DUXB: variants seen among roughly 807,000 people sequenced by gnomAD.
DUXB encodes the protein double homeobox B.
Under a neutral mutation model 8.9 loss-of-function variants are expected in DUXB, and 22 were observed. The observed-to-expected ratio is 2.46, with a 90% CI of 1.76 to 3.52. The LOEUF is 3.52. DUXB is among the 30% of genes most tolerant of loss of function. The pLI is 0.00. For missense variants in DUXB, 237 were observed against 108.7 expected (o/e 2.18, Z -5.25); for synonymous variants, 84 against 37.6 (o/e 2.23, Z -4.52).
rs961946328 is a variant in DUXB at position 75,694,422 on chromosome 16, C to A, written c.545G>T (p.Gly182Val). 2.9e-6 allele frequency: 2 copies of A among 700,510 alleles called. No homozygotes were observed. The allele number at this position is 700,510 out of a possible 1,614,324, so 43.4% of individuals were successfully genotyped here. A position where few individuals can be genotyped will look rare whatever the true frequency, so the allele number is the denominator to read the frequency against. ...DPNERPDATV[G>V]WHPINLFLPT... ...GAGGAACAGGTTGATTGGATGCCAC[C>A]CAACAGTTGCATCTGGTCTCTCATT... The change falls in exon 5 of 5, where the codon GGG becomes GTG. Residue 182 changes from glycine to valine, a missense_variant. Physicochemically the swap from Gly to Val is moderately radical, Grantham distance 109 (BLOSUM62 -3). Coordinates refer to ENST00000633875, the MANE Select transcript of DUXB (RefSeq NM_001351307.2).
chr16:75,700,944 T>C (rs538371588), intron 1 of DUXB, among the ~76,000 whole-genome samples: 1 of 151,936 alleles, frequency 6.6e-6, no homozygotes, highest in South Asian at 2.1e-4. Context: ...TTACGGAAAA[T>C]GTACAAAATT....
At chr16:75,696,639 T>C (rs2082609682) in intron 3 of DUXB, among the ~76,000 whole-genome samples, 199 bp downstream of exon 3, 1 of 152,226 alleles carries the variant, frequency 6.6e-6, no homozygotes, top group South Asian at 2.1e-4. Flanking sequence ...GGGAGGCCGC[T>C]CTGCCTATGG....
chr16:75,694,602 A>C, intron 4 of DUXB, 77 bp from the exon 5 acceptor site: 1 of 691,472 alleles, frequency 1.4e-6, no homozygotes. Context: ...CTATAAAACA[A>C]AGGAGCTATT....
At chr16:75,695,709 A>G (rs999925256) in intron 4 of DUXB, among the ~76,000 whole-genome samples, 10 of 152,196 alleles carry the variant, frequency 6.6e-5, no homozygotes, top group Non-Finnish European at 1.3e-4. Flanking sequence ...CAACACTCCC[A>G]AGGTTGTAGA....
Position 75,694,294 on chromosome 16 carries a change from T to C in DUXB, c.673A>G (p.Arg225Gly), listed in dbSNP as rs557334819. The change falls in exon 5 of 5, where the codon AGG becomes GGG. Residue 225 changes from arginine (R) to glycine (G), a missense_variant. Physicochemically the swap from Arg to Gly is moderately radical, Grantham distance 125. Transcript: ENST00000633875. ...TTTGGTCCTTGGCTCACATGGAACC[T>C]GAAGGGATCCCAAGGAGCCTGGGTT... ...PSTQAPWDPF[R>G]FHVSQGPNVM... The C allele has an allele frequency of 1.4e-4, 84 of 614,088 alleles. No individual in the cohort carries two copies. The highest frequency in any genetic ancestry group is 1.2e-3 in the African/African-American group (65 of 54,152). The allele number at this position is 614,088 out of a possible 1,614,324, so 38.0% of individuals were successfully genotyped here. A position where few individuals can be genotyped will look rare whatever the true frequency, so the allele number is the denominator to read the frequency against.
At chr16:75,697,059 A>G in intron 2 of DUXB, 116 bp from the exon 3 acceptor site, 1 of 623,548 alleles carries the variant, frequency 1.6e-6, no homozygotes, top group South Asian at 1.9e-5. Context: ...TAATGCCCAC[A>G]AGAGAAAGGC....
Position 75,694,309 on chromosome 16 carries a change from G to A in DUXB, c.658C>T (p.Pro220Ser). 1.6e-6 allele frequency: 1 copy of A among 617,248 alleles called. No homozygotes were observed. The highest frequency in any genetic ancestry group is 2.9e-6 in the Non-Finnish European group (1 of 348,906). 38.2% of individuals were successfully genotyped at this position (617,248 alleles called of 1,614,324 possible). A position where few individuals can be genotyped will look rare whatever the true frequency, so the allele number is the denominator to read the frequency against. ...LPPVLPSTQA[P>S]WDPFRFHVSQ... ...ACATGGAACCTGAAGGGATCCCAAGGAGCCTGGGTTGAAGGAAGAACAGGT... is the reference window on the plus strand; with the variant it reads ...ACATGGAACCTGAAGGGATCCCAAGAAGCCTGGGTTGAAGGAAGAACAGGT... The change falls in exon 5 of 5, where the codon CCT becomes TCT. Residue 220 changes from proline to serine, a missense_variant. By Grantham distance (74) the Pro-to-Ser change is moderately conservative. Transcript: ENST00000633875.
chr16:75,696,034 C>T lies in DUXB; in HGVS notation c.368G>A (p.Arg123Lys), dbSNP rs1287592066. 1.4e-6 allele frequency: 1 copy of T among 702,906 alleles called. No individual in the cohort carries two copies. The highest frequency in any genetic ancestry group is 1.7e-5 in the African/African-American group (1 of 57,244). 43.5% of individuals were successfully genotyped at this position (702,906 alleles called of 1,614,324 possible). The stretch of plus-strand genomic sequence containing the variant: ...GGTAGCAATATCAGGGAATGGGTTC[C>T]TCTCAAAGGCTTGCACTAGCCTGTT... The part of the protein sequence containing the change: ...QKNRLVQAFE[R>K]NPFPDIATRK... The change falls in exon 4 of 5, where the codon AGG (arginine) becomes AAG (lysine). Residue 123 changes from arginine (R) to lysine (K), a missense_variant. Transcript: ENST00000633875.
At chr16:75,696,137 G>A in intron 3 of DUXB, 22 bp from the exon 4 acceptor site, 1 of 637,578 alleles carries the variant, frequency 1.6e-6, no homozygotes. Flanking sequence ...CACAGAAGCT[G>A]TTGGGGAATT....
chr16:75,701,117 T>C (rs1959207717), intron 1 of DUXB, among the ~76,000 whole-genome samples: 5 of 152,202 alleles, frequency 3.3e-5, no homozygotes, highest in Admixed American at 3.3e-4. Flanking sequence ...ATTAGACAGT[T>C]CATACATTCT....
Position 75,696,101 on chromosome 16 carries a change from CT to C in DUXB, c.300del (p.Glu101LysfsTer17), listed in dbSNP as rs767372702. On this transcript the variant is annotated frameshift_variant, in exon 4 of 5. Coordinates refer to ENST00000633875, the MANE Select transcript of DUXB (RefSeq NM_001351307.2). LOFTEE classifies it high-confidence loss of function. ...ATGAATGTCTGTTTTTGTCGGGCTT[CT>C]TTAGGTAAGTATTCTAAAGGAGAAC... ...SQHLTQEYLP[K>X]EARQKQTFIT... 1 of 702,264 alleles carries C rather than the reference CT, an allele frequency of 1.4e-6. No homozygotes were observed. The highest frequency in any genetic ancestry group is 2.6e-6 in the Non-Finnish European group (1 of 384,998). 43.5% of individuals were successfully genotyped at this position (702,264 alleles called of 1,614,324 possible).
intron 2 of DUXB, chr16:75,698,850 TC>T (rs1354917382): frequency 6.6e-6 from 1 of 152,136 alleles, no homozygotes; most frequent in African/African-American, 2.4e-5. Flanking sequence ...ACAGATAACT[TC>T]TTTTTTTTGG....
chr16:75,697,413 T>A (rs536170217), intron 2 of DUXB, among the ~76,000 whole-genome samples: 2 of 152,370 alleles, frequency 1.3e-5, no homozygotes, highest in Admixed American at 1.3e-4. Flanking sequence ...AGAGTTGGAC[T>A]AACACTTATC....
At chr16:75,697,051 A>G (rs1372167131) in intron 2 of DUXB, 108 bp from the exon 3 acceptor site, 1 of 630,232 alleles carries the variant, frequency 1.6e-6, no homozygotes, top group East Asian at 2.7e-5. Context: ...GGCTGGAATA[A>G]TGCCCACAAG....
rs1597208413 is a variant in DUXB at position 75,694,180 on chromosome 16, G to T, written c.787C>A (p.Pro263Thr). Reference protein sequence around the residue: ...LIIPNHLLTLPILTKDLDTPT... With the variant: ...LIIPNHLLTLTILTKDLDTPT... ...GTATCTAAGTCCTTTGTCAGAATTG[G>T]CAGTGTCAGGAGGTGATTCGGAATT... The change falls in exon 5 of 5, where the codon CCA becomes ACA. Residue 263 changes from proline (P) to threonine (T), a missense_variant. By Grantham distance (38) the Pro-to-Thr change is conservative. Coordinates refer to ENST00000633875, the MANE Select transcript of DUXB (RefSeq NM_001351307.2). 2.1e-6 allele frequency: 1 copy of T among 474,736 alleles called. No individual in the cohort carries two copies. The highest frequency in any genetic ancestry group is 3.3e-5 in the East Asian group (1 of 30,254). The allele number at this position is 474,736 out of a possible 1,614,324, so 29.4% of individuals were successfully genotyped here.
At chr16:75,696,699 T>TA (rs920003368) in intron 3 of DUXB, 139 bp downstream of exon 3, 49 of 582,266 alleles carry the variant, frequency 8.4e-5, no homozygotes, top group African/African-American at 6.4e-4. Flanking sequence ...TACTTTCACC[T>TA]AAAAAAAATG....
Position 75,695,821 on chromosome 16 carries a change from T to A in DUXB, c.441+140A>T, listed in dbSNP as rs1301558138. 4.0e-5 allele frequency: 24 copies of A among 597,210 alleles called. 1 individual carries two copies. Among genetic ancestry groups the A allele is most frequent in the Middle Eastern group, 6.6e-4 (2 of 3,026 alleles). 37.0% of individuals were successfully genotyped at this position (597,210 alleles called of 1,614,324 possible). On this transcript the variant is annotated intron_variant, in intron 4 of 4. Coordinates refer to ENST00000633875, the MANE Select transcript of DUXB (RefSeq NM_001351307.2). ...TTCTTCCTTGACAAAAACGGGACTT[T>A]CAGTGCCAGGCGTTTACCATCCCCC... is the stretch of plus-strand genomic sequence containing the variant.
intron 1 of DUXB, 97 bp downstream of exon 1, chr16:75,701,297 C>T (rs1959208563): frequency 2.5e-6 from 1 of 398,216 alleles, no homozygotes; most frequent in Admixed American, 4.4e-5. Context: ...GTCTGTACCT[C>T]TAATCATGTT....
chr16:75,696,025 A>T lies in DUXB; in HGVS notation c.377T>A (p.Phe126Tyr), dbSNP rs778288558. ...TTTTTTTCTGGTAGCAATATCAGGG[A>T]ATGGGTTCCTCTCAAAGGCTTGCAC... ...RLVQAFERNP[F>Y]PDIATRKKLA... Residue 126 changes from phenylalanine (F) to tyrosine (Y), a missense_variant, in exon 4 of 5, where the codon TTC becomes TAC. By Grantham distance (22) the Phe-to-Tyr change is conservative. Transcript: ENST00000633875. 11 of 702,876 alleles carry T rather than the reference A, an allele frequency of 1.6e-5. No individual in the cohort carries two copies. Among genetic ancestry groups the T allele is most frequent in the Non-Finnish European group, 2.9e-5 (11 of 385,018 alleles). 43.5% of individuals were successfully genotyped at this position (702,876 alleles called of 1,614,324 possible). A position where few individuals can be genotyped will look rare whatever the true frequency, so the allele number is the denominator to read the frequency against.
Sources: gnomAD v4.1 joint callset for allele counts (sites outside exome capture counted in the v4.1 genomes callset) on GRCh38, gnomAD v4.1.1 for gene constraint, MANE v1.5 for transcripts, NCBI Gene and HGNC (gene_info 2026-07-23, HGNC 2026-07-21) for gene names.